Variants in NTM observed in about 807,000 individuals in gnomAD.
NTM encodes the protein IgLON family member 2.
Under a neutral mutation model 42.1 loss-of-function variants are expected in NTM, and 13 were observed. The ratio of observed to expected loss-of-function variants is 0.31; its 90% CI spans 0.20 to 0.49. The LOEUF (loss-of-function observed/expected upper bound fraction) is 0.49. Among genes scored for constraint, NTM ranks in the 20% least tolerant of loss-of-function variants. The pLI is 0.99. For missense variants in NTM, 373 were observed against 452.8 expected (o/e 0.82, Z 1.60); for synonymous variants, 187 against 179.2 (o/e 1.04, Z -0.35).
rs58777482 is a variant in NTM, at chr11:131,933,189, C to T, written c.167+21541C>T. Among the ~76,000 whole-genome samples the T allele has an allele frequency of 9.9e-3, 1,503 of 152,342 alleles. 33 individuals carry two copies. Among genetic ancestry groups the T allele is most frequent in the African/African-American group, 0.035 (1,438 of 41,592 alleles). On this transcript the variant is annotated intron_variant, in intron 2 of 8. Coordinates refer to ENST00000683400, the MANE Select transcript of NTM (RefSeq NM_001352005.2). The stretch of plus-strand genomic sequence containing the variant: ...GACGCTGTTTCTCCTGCAAGTGCAG[C>T]CAGCACTGCCAATTGGCTCCTGGTC...
chr11:131,988,211 C>T (rs193016002), intron 2 of NTM, among the ~76,000 whole-genome samples: 4 of 152,344 alleles, frequency 2.6e-5, no homozygotes, highest in African/African-American at 9.6e-5. Flanking sequence ...CTTAATAATT[C>T]CCCAAAAGCC....
chr11:132,186,952 G>T (rs2078502549), intron 3 of NTM, among the ~76,000 whole-genome samples: 1 of 152,166 alleles, frequency 6.6e-6, no homozygotes, highest in Non-Finnish European at 1.5e-5. Flanking sequence ...GGGGGTTTGT[G>T]GCAGCCATAG....
intron 1 of NTM, among the ~76,000 whole-genome samples, chr11:131,807,117 A>C (rs1046433967): frequency 3.9e-5 from 6 of 152,214 alleles, no homozygotes; most frequent in Non-Finnish European, 7.3e-5. Context: ...AAAAGTACAG[A>C]GCACAAAGGC....
chr11:131,795,570 A>G (rs1202481083), intron 1 of NTM: 2 of 985,326 alleles, frequency 2.0e-6, no homozygotes, highest in Non-Finnish European at 2.4e-6. Context: ...TGTTTGCATA[A>G]CGGGAGTCCC....
At chr11:132,022,459 C>A (rs933626966) in intron 2 of NTM, among the ~76,000 whole-genome samples, 4 of 152,168 alleles carry the variant, frequency 2.6e-5, no homozygotes, top group Non-Finnish European at 5.9e-5. Context: ...TTCGTTATCA[C>A]AGCTCTCTAA....
chr11:131,907,453 G>C (rs1565707996), intron 1 of NTM, among the ~76,000 whole-genome samples: 1 of 152,204 alleles, frequency 6.6e-6, no homozygotes, highest in Non-Finnish European at 1.5e-5. Flanking sequence ...GATTATTAAA[G>C]GGAATATGAT....
chr11:131,700,013 T>G (rs986012452), intron 1 of NTM, among the ~76,000 whole-genome samples: 3 of 151,532 alleles, frequency 2.0e-5, no homozygotes, highest in Admixed American at 2.0e-4. Flanking sequence ...CTTGACCATG[T>G]AGAAGCCAGG....
chr11:131,703,729 A>G (rs1359269663), intron 1 of NTM, among the ~76,000 whole-genome samples: 4 of 152,194 alleles, frequency 2.6e-5, no homozygotes, highest in African/African-American at 9.7e-5. Context: ...GTTTCACATT[A>G]CTGATGTCAC....
At chr11:131,404,118 G>A (rs1365197514) in intron 1 of NTM, among the ~76,000 whole-genome samples, 1 of 151,916 alleles carries the variant, frequency 6.6e-6, no homozygotes, top group Non-Finnish European at 1.5e-5. Flanking sequence ...ACACGTTTCT[G>A]CTCTTCTTCT....
intron 1 of NTM, among the ~76,000 whole-genome samples, chr11:131,805,435 T>C (rs2092424959): frequency 1.3e-5 from 2 of 152,202 alleles, no homozygotes; most frequent in African/African-American, 4.8e-5. Context: ...GTGATGTGTG[T>C]GTGTAAGTGT....
At chr11:132,308,626 T>C (rs764751558) in intron 5 of NTM, among the ~76,000 whole-genome samples, 36 of 151,642 alleles carry the variant, frequency 2.4e-4, no homozygotes, top group Non-Finnish European at 4.4e-4. Context: ...GCAAACGAGA[T>C]GACTTCCCTT....
At chr11:131,896,258 A>G (rs2052248065) in intron 1 of NTM, among the ~76,000 whole-genome samples, 1 of 152,240 alleles carries the variant, frequency 6.6e-6, no homozygotes, top group Admixed American at 6.5e-5. Context: ...GATAACATAT[A>G]ACACCTATCA....
intron 1 of NTM, among the ~76,000 whole-genome samples, chr11:131,777,718 G>C (rs528216554): frequency 1.3e-5 from 2 of 152,124 alleles, no homozygotes; most frequent in Non-Finnish European, 2.9e-5. Context: ...TATTACAGTT[G>C]CTATGAAGTT....
intron 2 of NTM, among the ~76,000 whole-genome samples, chr11:132,032,838 G>A (rs1057071780): frequency 6.6e-6 from 1 of 152,166 alleles, no homozygotes; most frequent in East Asian, 1.9e-4. Context: ...ATCATATTAT[G>A]TTGATGTTAT....
At chr11:131,822,956 C>T (rs1265183620) in intron 1 of NTM, among the ~76,000 whole-genome samples, 1 of 152,078 alleles carries the variant, frequency 6.6e-6, no homozygotes, top group African/African-American at 2.4e-5. Context: ...TTTCTTTCTT[C>T]CTTCCTTCCT....
rs34768197 is a variant in NTM, at chr11:132,069,460, A to C, written c.168-76822A>C. Reference sequence around the variant, plus strand: ...GTCACACAGCCAAGTTAACACGTCAAACTGACCGTCACAGGTTAGTTAACA... The same window carrying C: ...GTCACACAGCCAAGTTAACACGTCACACTGACCGTCACAGGTTAGTTAACA... On this transcript the variant is annotated intron_variant, in intron 2 of 8. Transcript: ENST00000683400. Among the ~76,000 whole-genome samples, 489 of 94,082 alleles carry C rather than the reference A, an allele frequency of 5.2e-3. 34 individuals are homozygous for C. Among genetic ancestry groups the C allele is most frequent in the African/African-American group, 0.021 (443 of 20,606 alleles). The allele number at this position is 94,082 out of a possible 152,430, so 61.7% of individuals were successfully genotyped here.
intron 1 of NTM, among the ~76,000 whole-genome samples, chr11:131,864,559 C>T (rs2046951839): frequency 6.6e-6 from 1 of 152,206 alleles, no homozygotes. Flanking sequence ...TCTTTGCCTC[C>T]AGCAGGGACC....
At chr11:131,777,689 G>A (rs575218545) in intron 1 of NTM, among the ~76,000 whole-genome samples, 2 of 151,902 alleles carry the variant, frequency 1.3e-5, no homozygotes, top group Admixed American at 6.6e-5. Context: ...TAGTTTCCTT[G>A]CAAATTGACA....
Position 132,052,169 on chromosome 11 carries a change from A to T in NTM, c.168-94113A>T, listed in dbSNP as rs1265862356. ...TTTAGAAAATCCTCAACAGATATTT[A>T]TCCCAAGGAGGGAGATTTACAAAGC... is the stretch of plus-strand genomic sequence containing the variant. On this transcript the variant is annotated intron_variant, in intron 2 of 8. Coordinates refer to ENST00000683400, the MANE Select transcript of NTM (RefSeq NM_001352005.2). 2.6e-5 allele frequency among the ~76,000 whole-genome samples: 4 copies of T among 152,358 alleles called. No homozygotes were observed. The East Asian group carries it at 7.7e-4, about 29-fold the overall frequency.
Sources: allele counts gnomAD v4.1 joint callset (sites outside exome capture counted in the v4.1 genomes callset), GRCh38; gene constraint gnomAD v4.1.1; transcripts MANE v1.5; gene names NCBI Gene and HGNC (gene_info 2026-07-23, HGNC 2026-07-21).